RBMS3: variants seen among roughly 807,000 people sequenced by gnomAD.
RBMS3 encodes the protein RNA binding motif single stranded interacting protein 3.
Under a neutral mutation model 66.8 loss-of-function variants are expected in RBMS3, and 27 were observed. That is an observed-to-expected ratio of 0.40 (90% CI 0.30 to 0.56). The LOEUF (loss-of-function observed/expected upper bound fraction) is 0.56. Among genes scored for constraint, RBMS3 ranks in the 20% least tolerant of loss-of-function variants. The pLI, the probability that RBMS3 is intolerant of heterozygous loss-of-function variation, is 0.40. For synonymous variants in RBMS3, 188 were observed against 183.0 expected, an observed-to-expected ratio of 1.03 and a Z score of -0.22; for missense variants, 513 against 549.5, an observed-to-expected ratio of 0.93 and a Z score of 0.66.
At chr3:29,373,679 A>G (rs1323300238) in intron 1 of RBMS3, among the ~76,000 whole-genome samples, 1 of 152,178 alleles carries the variant, frequency 6.6e-6, no homozygotes, top group Non-Finnish European at 1.5e-5. Flanking sequence ...TTGAGCCTTG[A>G]GGGATCCCTT....
intron 6 of RBMS3, among the ~76,000 whole-genome samples, chr3:29,856,545 C>G (rs971077081): frequency 7.2e-5 from 11 of 152,166 alleles, no homozygotes; most frequent in Non-Finnish European, 1.6e-4. Context: ...AAAATTTACA[C>G]TTTAGAAAGG....
intron 2 of RBMS3, among the ~76,000 whole-genome samples, chr3:29,468,769 T>G (rs1041075925): frequency 6.6e-5 from 10 of 152,152 alleles, no homozygotes; most frequent in Non-Finnish European, 1.2e-4. Context: ...TGAATTTGGT[T>G]TTCTAAGCTA....
At chr3:29,548,353 C>T (rs2149027160) in intron 3 of RBMS3, among the ~76,000 whole-genome samples, 1 of 151,944 alleles carries the variant, frequency 6.6e-6, no homozygotes, top group Non-Finnish European at 1.5e-5. Flanking sequence ...TCTCTTGAGC[C>T]CAGGATTTCA....
intron 4 of RBMS3, among the ~76,000 whole-genome samples, chr3:29,657,018 T>G (rs770711265): frequency 2.0e-5 from 3 of 152,180 alleles, no homozygotes; most frequent in Non-Finnish European, 4.4e-5. Flanking sequence ...CAGTGAATTA[T>G]AGGTGGAAGA....
chr3:29,512,552 T>C (rs565459996), intron 3 of RBMS3, among the ~76,000 whole-genome samples: 1 of 152,298 alleles, frequency 6.6e-6, no homozygotes, highest in East Asian at 1.9e-4. Context: ...TTATTTATAT[T>C]TTCCATTTGA....
chr3:29,549,880 A>G lies in RBMS3; in HGVS notation c.308-37234A>G, dbSNP rs555474690. Among the ~76,000 whole-genome samples, 10 of 152,238 alleles carry G rather than the reference A, an allele frequency of 6.6e-5. No individual in the cohort carries two copies. In the South Asian group the frequency reaches 1.9e-3, roughly 28 times the overall value. On this transcript the variant is annotated intron_variant, in intron 3 of 14. Coordinates refer to ENST00000383767, the MANE Select transcript of RBMS3 (RefSeq NM_001003793.3). ...TGACCCAACAACAAAGTTCCCTGGC[A>G]GATGGTCATATTATATACTACTCTC...
chr3:29,778,215 T>G (rs1486450233), intron 6 of RBMS3, among the ~76,000 whole-genome samples: 1 of 151,924 alleles, frequency 6.6e-6, no homozygotes, highest in African/African-American at 2.4e-5. Flanking sequence ...GAAAATTTCT[T>G]TCTTTGAATT....
intron 3 of RBMS3, among the ~76,000 whole-genome samples, chr3:29,547,475 A>C (rs1206588000): frequency 6.6e-6 from 1 of 152,018 alleles, no homozygotes; most frequent in African/African-American, 2.4e-5. Flanking sequence ...GAAAATAAAA[A>C]AATCCTCCCC....
chr3:29,957,516 A>G (rs1180898299), intron 12 of RBMS3, among the ~76,000 whole-genome samples: 1 of 152,170 alleles, frequency 6.6e-6, no homozygotes, highest in African/African-American at 2.4e-5. Context: ...GGGATAGGAA[A>G]GACTCATGAC....
rs186064865 is a variant in RBMS3 at position 29,284,273 on chromosome 3, G to A, written c.75+2517G>A. On this transcript the variant is annotated intron_variant, in intron 1 of 14. Coordinates refer to ENST00000383767, the MANE Select transcript of RBMS3 (RefSeq NM_001003793.3). ...ATAGAGTCTACGGTAGGTAAAAATC[G>A]TATTCTGGTGATAACATATCTTAAA... 7.7e-4 allele frequency among the ~76,000 whole-genome samples: 117 copies of A among 152,150 alleles called. 1 individual carries two copies. The South Asian group carries it at 0.021, about 28-fold the overall frequency.
chr3:29,819,796 A>G (rs1458277140), intron 6 of RBMS3, among the ~76,000 whole-genome samples: 1 of 152,200 alleles, frequency 6.6e-6, no homozygotes, highest in Non-Finnish European at 1.5e-5. Context: ...GACATTTTCT[A>G]GTATATGAAA....
chr3:29,367,611 T>G (rs1191512249), intron 1 of RBMS3, among the ~76,000 whole-genome samples: 1 of 152,286 alleles, frequency 6.6e-6, no homozygotes, highest in Non-Finnish European at 1.5e-5. Flanking sequence ...ATGTACTATT[T>G]TTAAAATAAT....
intron 6 of RBMS3, among the ~76,000 whole-genome samples, chr3:29,831,435 G>C (rs2058367366): frequency 6.6e-6 from 1 of 151,996 alleles, no homozygotes; most frequent in Admixed American, 6.6e-5. Flanking sequence ...GCATTTTTGA[G>C]CTCTAAAAAT....
At chr3:29,778,375 ATAGT>A (rs1323977924) in intron 6 of RBMS3, among the ~76,000 whole-genome samples, 1 of 151,002 alleles carries the variant, frequency 6.6e-6, no homozygotes, top group Non-Finnish European at 1.5e-5. Context: ...ACTAAAAGAT[ATAGT>A]TAGAGCCAGG....
chr3:29,416,052 T>C (rs2040465964), intron 1 of RBMS3, among the ~76,000 whole-genome samples: 1 of 152,194 alleles, frequency 6.6e-6, no homozygotes, highest in Non-Finnish European at 1.5e-5. Context: ...TCCTGTGGAC[T>C]ATTTAGAATT....
chr3:29,393,606 G>T (rs760976989), intron 1 of RBMS3, among the ~76,000 whole-genome samples: 5 of 152,084 alleles, frequency 3.3e-5, no homozygotes, highest in Non-Finnish European at 5.9e-5. Context: ...TATAAGTCAG[G>T]TTATGTGACT....
At chr3:29,706,686 A>G (rs904049599) in intron 4 of RBMS3, among the ~76,000 whole-genome samples, 2 of 152,242 alleles carry the variant, frequency 1.3e-5, no homozygotes, top group African/African-American at 4.8e-5. Context: ...GCCGTGAATG[A>G]AAAAGATGTT....
chr3:29,629,658 C>T (rs1255704582), intron 4 of RBMS3, among the ~76,000 whole-genome samples: 1 of 151,966 alleles, frequency 6.6e-6, no homozygotes, highest in Non-Finnish European at 1.5e-5. Context: ...TTTCTTTCTC[C>T]TATCAAGAAT....
rs187203070 is a variant in RBMS3, at chr3:29,740,886, A to G, written c.557+1009A>G. ...GAAAACCCATCTCTACTGAAAATAC[A>G]AAAATTAGCCGTTGCGTGGTGGCAC... On this transcript the variant is annotated intron_variant, in intron 5 of 14. Coordinates refer to ENST00000383767, the MANE Select transcript of RBMS3 (RefSeq NM_001003793.3). Among the ~76,000 whole-genome samples the G allele has an allele frequency of 3.3e-3, 502 of 152,140 alleles. 5 individuals carry two copies. Among genetic ancestry groups the G allele is most frequent in the African/African-American group, 0.012 (484 of 41,504 alleles).
Sources: gnomAD v4.1 joint callset for allele counts (sites outside exome capture counted in the v4.1 genomes callset) on GRCh38, gnomAD v4.1.1 for gene constraint, MANE v1.5 for transcripts, NCBI Gene and HGNC (gene_info 2026-07-23, HGNC 2026-07-21) for gene names.